RHBDD1: variants seen among roughly 807,000 people sequenced by gnomAD.
RHBDD1 encodes rhomboid-related protein 4.
A neutral mutation model predicts 36.3 loss-of-function variants in RHBDD1; 38 were observed. The ratio of observed to expected loss-of-function variants is 1.05; its 90% CI spans 0.81 to 1.37. RHBDD1 has a LOEUF of 1.37. RHBDD1 is among the 40% of genes most tolerant of loss of function. The pLI is 0.00. For missense variants in RHBDD1, 393 were observed against 377.6 expected (o/e 1.04, Z -0.34); for synonymous variants, 151 against 136.5 (o/e 1.11, Z -0.74).
chr2:226,938,554 C>T (rs988484382), intron 8 of RHBDD1, among the ~76,000 whole-genome samples: 1 of 152,050 alleles, frequency 6.6e-6, no homozygotes, highest in Non-Finnish European at 1.5e-5. Context: ...TACATACACC[C>T]TTCCAAGACT....
At chr2:226,851,659 C>G (rs561860509) in intron 3 of RHBDD1, among the ~76,000 whole-genome samples, 1 of 152,268 alleles carries the variant, frequency 6.6e-6, no homozygotes, top group Admixed American at 6.5e-5. Context: ...CTCACTTTGG[C>G]AAAAGTCTCT....
intron 5 of RHBDD1, among the ~76,000 whole-genome samples, chr2:226,904,876 C>T (rs1204979177): frequency 6.6e-6 from 1 of 152,000 alleles, no homozygotes; most frequent in Non-Finnish European, 1.5e-5. Flanking sequence ...CTGTGATTGC[C>T]GTGGCTCAGC....
chr2:226,801,424 G>A, the RHBDD1 span, among the ~76,000 whole-genome samples: 2 of 152,172 alleles, frequency 1.3e-5, no homozygotes, highest in Admixed American at 6.5e-5. Flanking sequence ...AGAACCATAG[G>A]CGCCATTCAG....
intron 5 of RHBDD1, among the ~76,000 whole-genome samples, chr2:226,905,658 G>T (rs778389679): frequency 1.3e-5 from 2 of 152,200 alleles, no homozygotes; most frequent in Non-Finnish European, 2.9e-5. Context: ...GAGCTGGCTT[G>T]CAGGGAGACC....
At chr2:226,895,896 C>T (rs1388656741) in intron 5 of RHBDD1, 2 of 824,004 alleles carry the variant, frequency 2.4e-6, no homozygotes, top group East Asian at 2.5e-4. Flanking sequence ...TTTCCCTTTG[C>T]ATTTAAAAAT....
At chr2:226,862,472 A>G (rs1195596829) in intron 3 of RHBDD1, among the ~76,000 whole-genome samples, 1 of 152,028 alleles carries the variant, frequency 6.6e-6, no homozygotes, top group African/African-American at 2.4e-5. Flanking sequence ...TAATCTCCAC[A>G]GAGAAAGCAG....
At chr2:226,988,773 T>A in intron 8 of RHBDD1, 2 of 861,320 alleles carry the variant, frequency 2.3e-6, no homozygotes, top group Non-Finnish European at 2.8e-6. Flanking sequence ...CTGTAAGAAG[T>A]TACAAACTGT....
chr2:226,994,030 G>A (rs1020069693), intron 8 of RHBDD1, among the ~76,000 whole-genome samples: 2 of 152,184 alleles, frequency 1.3e-5, no homozygotes, highest in South Asian at 2.1e-4. Context: ...GAACATTTGG[G>A]TTCTGCAAAT....
chr2:226,868,746 C>T (rs745927712), intron 5 of RHBDD1, among the ~76,000 whole-genome samples: 8 of 152,220 alleles, frequency 5.3e-5, no homozygotes, highest in African/African-American at 7.2e-5. Context: ...TTTCCCATCA[C>T]GGGCAGCCAC....
At chr2:226,832,007 T>C (rs528296840), upstream of RHBDD1, among the ~76,000 whole-genome samples, 8 of 152,150 alleles carry the variant, frequency 5.3e-5, no homozygotes, top group East Asian at 1.5e-3. Context: ...TTTCTCTATT[T>C]TTGTTACTTA....
At chr2:226,956,327 T>A (rs1228710468) in intron 8 of RHBDD1, among the ~76,000 whole-genome samples, 1 of 152,166 alleles carries the variant, frequency 6.6e-6, no homozygotes, top group Non-Finnish European at 1.5e-5. Context: ...TCCCCTCTGC[T>A]AGCCAGTCAT....
At chr2:226,947,393 G>A (rs1460577438) in intron 8 of RHBDD1, among the ~76,000 whole-genome samples, 1 of 151,920 alleles carries the variant, frequency 6.6e-6, no homozygotes, top group Admixed American at 6.6e-5. Context: ...TCTCAGGTTT[G>A]TCAAAGATCA....
chr2:226,940,969 T>G (rs760292909), intron 8 of RHBDD1, among the ~76,000 whole-genome samples: 14 of 151,230 alleles, frequency 9.3e-5, no homozygotes, highest in Non-Finnish European at 1.9e-4. Flanking sequence ...TTTTTTGAGA[T>G]GGAATCTCGC....
chr2:226,994,684 G>T (rs1223011109), intron 8 of RHBDD1, among the ~76,000 whole-genome samples: 1 of 152,126 alleles, frequency 6.6e-6, no homozygotes, highest in East Asian at 1.9e-4. Context: ...TTAGGTTGCT[G>T]GTTCCTTGAG....
intron 3 of RHBDD1, among the ~76,000 whole-genome samples, chr2:226,851,702 T>C (rs1351806854): frequency 1.3e-5 from 2 of 152,222 alleles, no homozygotes; most frequent in African/African-American, 4.8e-5. Context: ...GTGAATCTTA[T>C]ACCTTCACTC....
chr2:226,963,491 G>C (rs1952380111), intron 8 of RHBDD1, among the ~76,000 whole-genome samples: 1 of 152,104 alleles, frequency 6.6e-6, no homozygotes, highest in Non-Finnish European at 1.5e-5. Flanking sequence ...TTGAAGTTTT[G>C]ACTACTCGCG....
chr2:226,813,090 G>A, the RHBDD1 span, among the ~76,000 whole-genome samples: 1 of 152,148 alleles, frequency 6.6e-6, no homozygotes, highest in African/African-American at 2.4e-5. Context: ...GCATCCCTGT[G>A]CTAAAGTGAC....
At chr2:226,831,957 G>T (rs1432402184), upstream of RHBDD1, among the ~76,000 whole-genome samples, 122 of 139,110 alleles carry the variant, frequency 8.8e-4, no homozygotes, top group Non-Finnish European at 1.6e-3. Flanking sequence ...AATTTTACTG[G>T]TTTTTTTTTT....
At chr2:226,846,335 A>G (rs1942212913) in intron 3 of RHBDD1, among the ~76,000 whole-genome samples, 4 of 152,236 alleles carry the variant, frequency 2.6e-5, no homozygotes. Flanking sequence ...ATAGGGGCAT[A>G]TTTGATAGAG....
Sources: allele counts gnomAD v4.1 joint callset (sites outside exome capture counted in the v4.1 genomes callset), GRCh38; gene constraint gnomAD v4.1.1; transcripts MANE v1.5; gene names NCBI Gene and HGNC (gene_info 2026-07-23, HGNC 2026-07-21).